GRB10: variants seen among roughly 807,000 people sequenced by gnomAD.
GRB10 encodes the protein growth factor receptor-bound protein 10.
In GRB10, 20 loss-of-function variants were observed where a neutral mutation model predicts 80.9. That is an observed-to-expected ratio of 0.25 (90% CI 0.17 to 0.36). The LOEUF (loss-of-function observed/expected upper bound fraction) is 0.36, where lower values mean the gene tolerates loss of function less well. Among genes scored for constraint, GRB10 ranks in the 10% least tolerant of loss-of-function variants. The pLI is 1.00. For synonymous variants in GRB10, 291 were observed against 291.5 expected (o/e 1.00, Z 0.02); for missense variants, 548 against 747.7 (o/e 0.73, Z 3.12).
chr7:50,627,115 C>T, intron 7 of GRB10, 137 bp from the exon 8 acceptor site: 1 of 846,956 alleles, frequency 1.2e-6, no homozygotes, highest in South Asian at 1.4e-5. Context: ...AGGCAGCCAA[C>T]AGGTCCCCAC....
chr7:50,622,461 C>A (rs2051968478), intron 8 of GRB10, among the ~76,000 whole-genome samples: 1 of 152,212 alleles, frequency 6.6e-6, no homozygotes, highest in Admixed American at 6.5e-5. Context: ...CTGTAAACAG[C>A]CCGAAAAGGA....
At chr7:50,775,741 G>A (rs1263700595) in intron 2 of GRB10, among the ~76,000 whole-genome samples, 3 of 152,220 alleles carry the variant, frequency 2.0e-5, no homozygotes, top group African/African-American at 7.2e-5. Flanking sequence ...TCTAGGTGAA[G>A]GTAGCCATGC....
chr7:50,722,944 C>T (rs2067998005), intron 4 of GRB10, among the ~76,000 whole-genome samples: 1 of 152,092 alleles, frequency 6.6e-6, no homozygotes, highest in Non-Finnish European at 1.5e-5. Flanking sequence ...GCTACAAAGG[C>T]CACATTTACG....
At chr7:50,749,134 G>GTTTT (rs11405172) in intron 3 of GRB10, among the ~76,000 whole-genome samples, 5,905 of 137,746 alleles carry the variant, frequency 0.043, 354 homozygotes, top group East Asian at 0.16. Flanking sequence ...TTTTTTGTTT[G>GTTTT]TTTTTTTTTT....
At chr7:50,651,238 C>CA (rs2057970911) in intron 7 of GRB10, among the ~76,000 whole-genome samples, 1 of 152,204 alleles carries the variant, frequency 6.6e-6, no homozygotes, top group South Asian at 2.1e-4. Context: ...AACAGAAACT[C>CA]AGTGTCTCAC....
intron 7 of GRB10, among the ~76,000 whole-genome samples, chr7:50,639,853 A>AT (rs1415721182): frequency 3.3e-5 from 5 of 152,250 alleles, no homozygotes; most frequent in African/African-American, 9.6e-5. Flanking sequence ...CTCATCTGCC[A>AT]TTTTTTTAAA....
intron 7 of GRB10, among the ~76,000 whole-genome samples, chr7:50,649,557 G>C (rs1212230225): frequency 1.3e-5 from 2 of 152,230 alleles, no homozygotes; most frequent in Admixed American, 1.3e-4. Context: ...GGAGAGCTTG[G>C]ATTTAATTCT....
At chr7:50,775,555 C>T (rs1323708665) in intron 2 of GRB10, among the ~76,000 whole-genome samples, 1 of 152,222 alleles carries the variant, frequency 6.6e-6, no homozygotes, top group Non-Finnish European at 1.5e-5. Context: ...TGTGGGAGCT[C>T]GCTAGTGTGC....
chr7:50,669,973 C>T, intron 6 of GRB10, 110 bp from the exon 7 acceptor site: 3 of 1,334,726 alleles, frequency 2.2e-6, no homozygotes, highest in Middle Eastern at 3.6e-4. Flanking sequence ...CTAGGAGTCA[C>T]TGGCATGCCC....
chr7:50,732,225 C>G (rs746405672), intron 4 of GRB10, 47 bp downstream of exon 4: 13 of 1,588,556 alleles, frequency 8.2e-6, no homozygotes, highest in Non-Finnish European at 1.1e-5. Context: ...CCCTGGCCCT[C>G]GACCAGCACC....
At chr7:50,740,651 C>T (rs991787727) in intron 3 of GRB10, among the ~76,000 whole-genome samples, 39 of 151,038 alleles carry the variant, frequency 2.6e-4, no homozygotes, top group African/African-American at 9.0e-4. Context: ...TATTTACATT[C>T]TAAGCCATAA....
At chr7:50,776,403 T>C (rs1380864425) in intron 2 of GRB10, among the ~76,000 whole-genome samples, 2 of 151,732 alleles carry the variant, frequency 1.3e-5, no homozygotes, top group African/African-American at 4.8e-5. Context: ...TTACTTTTAG[T>C]AGAGATAAGG....
At chr7:50,666,771 TG>T (rs2153633951) in intron 7 of GRB10, among the ~76,000 whole-genome samples, 1 of 151,976 alleles carries the variant, frequency 6.6e-6, no homozygotes, top group South Asian at 2.1e-4. Context: ...CCAGGCGCAG[TG>T]GCTCACATCT....
chr7:50,596,959 G>A (rs1328450904), intron 17 of GRB10, among the ~76,000 whole-genome samples: 1 of 152,154 alleles, frequency 6.6e-6, no homozygotes, highest in African/African-American at 2.4e-5. Flanking sequence ...TCCAATGAAA[G>A]CTACAAAGAA....
intron 3 of GRB10, among the ~76,000 whole-genome samples, chr7:50,750,655 C>G (rs954715068): frequency 6.6e-6 from 1 of 152,144 alleles, no homozygotes; most frequent in African/African-American, 2.4e-5. Flanking sequence ...TTTCCCACGC[C>G]CACCCCCATC....
At chr7:50,779,828 C>T (rs1418103246) in intron 2 of GRB10, 2 of 152,204 alleles carry the variant, frequency 1.3e-5, no homozygotes, top group African/African-American at 4.8e-5. Flanking sequence ...GTACCATTTA[C>T]ACATTTAGAA....
chr7:50,593,907 C>T (rs2046185599), intron 18 of GRB10, among the ~76,000 whole-genome samples: 1 of 152,150 alleles, frequency 6.6e-6, no homozygotes. Context: ...CCCTAAGTCC[C>T]AAGTTGCTGT....
intron 4 of GRB10, among the ~76,000 whole-genome samples, chr7:50,708,075 T>C (rs2153671888): frequency 6.6e-6 from 1 of 152,390 alleles, no homozygotes; most frequent in East Asian, 1.9e-4. Flanking sequence ...GGTATAAGTA[T>C]GTGGCAAATA....
chr7:50,692,827 G>T (rs1422729413), intron 5 of GRB10, among the ~76,000 whole-genome samples: 1 of 152,106 alleles, frequency 6.6e-6, no homozygotes, highest in African/African-American at 2.4e-5. Flanking sequence ...TATACATATA[G>T]GTGTGTGCAG....
Sources: allele counts gnomAD v4.1 joint callset (sites outside exome capture counted in the v4.1 genomes callset), GRCh38; gene constraint gnomAD v4.1.1; transcripts MANE v1.5; gene names NCBI Gene and HGNC (gene_info 2026-07-23, HGNC 2026-07-21).